The following NALF1 variants were observed in gnomAD, a reference collection of about 807,000 sequenced individuals.
NALF1 encodes the protein NALCN channel auxiliary factor 1.
A neutral mutation model predicts 48.4 loss-of-function variants in NALF1; 3 were observed. The observed-to-expected ratio is 0.06, with a 90% CI of 0.03 to 0.16. The LOEUF is 0.16. Among genes scored for constraint, NALF1 ranks in the 10% least tolerant of loss-of-function variants. The pLI is 1.00. For synonymous variants in NALF1, 262 were observed against 245.7 expected (o/e 1.07, Z -0.62); for missense variants, 526 against 571.5 (o/e 0.92, Z 0.81).
chr13:107,777,763 A>G (rs1442881179), intron 1 of NALF1, among the ~76,000 whole-genome samples: 1 of 152,212 alleles, frequency 6.6e-6, no homozygotes, highest in Non-Finnish European at 1.5e-5. Flanking sequence ...TAATACATCC[A>G]TCAATGCCTT....
At chr13:107,516,193 C>T (rs1876044842) in intron 1 of NALF1, among the ~76,000 whole-genome samples, 1 of 152,210 alleles carries the variant, frequency 6.6e-6, no homozygotes, top group Admixed American at 6.5e-5. Context: ...AAAGAGTTCT[C>T]ATCCAGCTTT....
intron 1 of NALF1, among the ~76,000 whole-genome samples, chr13:107,411,102 G>T (rs1435735092): frequency 2.0e-5 from 3 of 152,130 alleles, no homozygotes; most frequent in African/African-American, 7.2e-5. Flanking sequence ...TGGCATCTCA[G>T]CTTTCAAGAC....
rs548646715 is a variant in NALF1 at position 107,207,214 on chromosome 13, C to G, written c.1087+3370G>C. Among the ~76,000 whole-genome samples, 5 of 151,892 alleles carry G rather than the reference C, an allele frequency of 3.3e-5. No homozygotes were observed. In the East Asian group the frequency reaches 9.7e-4, roughly 29 times the overall value. The stretch of plus-strand genomic sequence containing the variant: ...CCATCTCCCTTCCCATTTCTTTTTT[C>G]CCTTAAACTTTGATATATTTATTAA... On this transcript the variant is annotated intron_variant, in intron 2 of 2. Transcript: ENST00000375915.
intron 1 of NALF1, among the ~76,000 whole-genome samples, chr13:107,523,872 T>C (rs1876337874): frequency 6.6e-6 from 1 of 152,206 alleles, no homozygotes. Flanking sequence ...AATTACATGC[T>C]ATGTTATAAC....
At chr13:107,550,687 T>C (rs1395520747) in intron 1 of NALF1, among the ~76,000 whole-genome samples, 1 of 152,150 alleles carries the variant, frequency 6.6e-6, no homozygotes, top group South Asian at 2.1e-4. Flanking sequence ...AATAAGTCAT[T>C]AGTCTTCCTT....
intron 1 of NALF1, among the ~76,000 whole-genome samples, chr13:107,325,321 A>T (rs1662034845): frequency 6.6e-6 from 1 of 152,160 alleles, no homozygotes; most frequent in African/African-American, 2.4e-5. Flanking sequence ...TAATTTTTCC[A>T]AGTATTTATT....
intron 1 of NALF1, among the ~76,000 whole-genome samples, chr13:107,855,308 A>G (rs1335856693): frequency 6.6e-6 from 1 of 152,210 alleles, no homozygotes; most frequent in African/African-American, 2.4e-5. Context: ...GCAGCCCGGG[A>G]GAGCTTTGAA....
At chr13:107,327,613 T>C (rs1882388717) in intron 1 of NALF1, among the ~76,000 whole-genome samples, 1 of 140,950 alleles carries the variant, frequency 7.1e-6, no homozygotes, top group African/African-American at 2.7e-5. Context: ...TGAAACATGA[T>C]AGCAATACTT....
At chr13:107,461,855 C>G (rs1594075217) in intron 1 of NALF1, among the ~76,000 whole-genome samples, 1 of 152,266 alleles carries the variant, frequency 6.6e-6, no homozygotes, top group Non-Finnish European at 1.5e-5. Context: ...AAAGAGCCAA[C>G]AGAATTCTAA....
At chr13:107,381,061 T>A (rs1566318361) in intron 1 of NALF1, among the ~76,000 whole-genome samples, 1 of 148,468 alleles carries the variant, frequency 6.7e-6, no homozygotes, top group East Asian at 2.0e-4. Context: ...AAAAAGTAAA[T>A]ATTCATATAT....
At chr13:107,216,321 T>C (rs1392311659) in intron 1 of NALF1, among the ~76,000 whole-genome samples, 2 of 152,250 alleles carry the variant, frequency 1.3e-5, no homozygotes, top group African/African-American at 4.8e-5. Flanking sequence ...TTCACGTTCC[T>C]ATGTCTGAAT....
chr13:107,565,941 T>C lies in NALF1; in HGVS notation c.915+299741A>G, dbSNP rs186381191. Among the ~76,000 whole-genome samples, 480 of 152,302 alleles carry C rather than the reference T, an allele frequency of 3.2e-3. 1 individual carries two copies. Among genetic ancestry groups the C allele is most frequent in the Non-Finnish European group, 5.1e-3 (348 of 68,004 alleles). Reference sequence around the variant, plus strand: ...ATTTCTGTTTAAAACAGAAACGAAATGTTCCCAGTCCCCAAAGCAGTGTAA... The same window carrying C: ...ATTTCTGTTTAAAACAGAAACGAAACGTTCCCAGTCCCCAAAGCAGTGTAA... On this transcript the variant is annotated intron_variant, in intron 1 of 2. Transcript: ENST00000375915.
chr13:107,571,615 C>T (rs914630053), intron 1 of NALF1, among the ~76,000 whole-genome samples: 12 of 152,072 alleles, frequency 7.9e-5, no homozygotes, highest in African/African-American at 2.9e-4. Context: ...TTCTTTGGGC[C>T]ATTATAGCAA....
At chr13:107,456,389 C>T (rs1884826357) in intron 1 of NALF1, among the ~76,000 whole-genome samples, 1 of 152,162 alleles carries the variant, frequency 6.6e-6, no homozygotes, top group South Asian at 2.1e-4. Flanking sequence ...TTTGAATCAT[C>T]GTCTGTGTGA....
At chr13:107,324,667 T>C (rs1594120609) in intron 1 of NALF1, among the ~76,000 whole-genome samples, 1 of 152,190 alleles carries the variant, frequency 6.6e-6, no homozygotes, top group South Asian at 2.1e-4. Context: ...ATCAGTTGTG[T>C]TTGTGTGCCT....
intron 1 of NALF1, among the ~76,000 whole-genome samples, chr13:107,768,601 T>C (rs932752799): frequency 4.6e-5 from 7 of 152,182 alleles, no homozygotes; most frequent in African/African-American, 9.7e-5. Flanking sequence ...CCTTCATCTT[T>C]AACATCTGAT....
At chr13:107,308,652 C>T (rs139338035) in intron 1 of NALF1, among the ~76,000 whole-genome samples, 6 of 152,150 alleles carry the variant, frequency 3.9e-5, no homozygotes, top group East Asian at 1.9e-4. Context: ...GGATAAAAGG[C>T]GTGAAACAAT....
intron 1 of NALF1, among the ~76,000 whole-genome samples, chr13:107,608,620 A>G (rs960252766): frequency 2.0e-5 from 3 of 152,194 alleles, no homozygotes; most frequent in South Asian, 4.1e-4. Context: ...GGTGACATAC[A>G]GCTAATTCTA....
chr13:107,657,252 T>G (rs1880606353), intron 1 of NALF1, among the ~76,000 whole-genome samples: 1 of 152,214 alleles, frequency 6.6e-6, no homozygotes, highest in Non-Finnish European at 1.5e-5. Context: ...GTATCCAGTT[T>G]ACTTCTGTGT....
Sources: allele counts gnomAD v4.1 joint callset (sites outside exome capture counted in the v4.1 genomes callset), GRCh38; gene constraint gnomAD v4.1.1; transcripts MANE v1.5; gene names NCBI Gene and HGNC (gene_info 2026-07-23, HGNC 2026-07-21).